SDCCAG8: variants seen among roughly 807,000 people sequenced by gnomAD.
SDCCAG8 encodes the protein serologically defined colon cancer antigen 8.
A neutral mutation model predicts 101.8 loss-of-function variants in SDCCAG8; 74 were observed. That is an observed-to-expected ratio of 0.73 (90% CI 0.60 to 0.88). The LOEUF (loss-of-function observed/expected upper bound fraction) is 0.88. Ranked by LOEUF, SDCCAG8 falls within the 40% of genes least tolerant of loss-of-function variation. The pLI is 0.00. For missense variants in SDCCAG8, 787 were observed against 822.6 expected, an observed-to-expected ratio of 0.96 and a Z score of 0.53; for synonymous variants, 281 against 292.9, an observed-to-expected ratio of 0.96 and a Z score of 0.41.
chr1:243,440,314 TAAAAAA>T (rs369038304), intron 16 of SDCCAG8, among the ~76,000 whole-genome samples: 2 of 151,232 alleles, frequency 1.3e-5, no homozygotes, highest in African/African-American at 4.9e-5. Context: ...ATTATTAAAT[TAAAAAA>T]AAAGGAAAAG....
At chr1:243,466,467 A>G (rs774588389) in intron 16 of SDCCAG8, among the ~76,000 whole-genome samples, 94 of 152,178 alleles carry the variant, frequency 6.2e-4, no homozygotes, top group Middle Eastern at 3.2e-3. Context: ...TCCTGTCTCT[A>G]CTATTTCTGT....
At chr1:243,356,300 T>A (rs1558345792) in intron 12 of SDCCAG8, among the ~76,000 whole-genome samples, 1 of 152,120 alleles carries the variant, frequency 6.6e-6, no homozygotes, top group African/African-American at 2.4e-5. Context: ...AACCTGAAGT[T>A]TGAAGTATCT....
chr1:243,495,904 G>A (rs1558554661), intron 17 of SDCCAG8, among the ~76,000 whole-genome samples: 1 of 152,164 alleles, frequency 6.6e-6, no homozygotes, highest in African/African-American at 2.4e-5. Context: ...CCTCGCATGG[G>A]AGAGTCTGGA....
intron 5 of SDCCAG8, 77 bp from the exon 6 acceptor site, chr1:243,293,014 T>C: frequency 6.6e-7 from 1 of 1,519,622 alleles, no homozygotes. Flanking sequence ...TAGGTAAGAA[T>C]AGGTATTTTA....
At chr1:243,397,823 C>T (rs1351537133) in intron 13 of SDCCAG8, among the ~76,000 whole-genome samples, 9 of 152,222 alleles carry the variant, frequency 5.9e-5, no homozygotes, top group East Asian at 1.9e-4. Context: ...AGGAACAGTA[C>T]GCATACAGTG....
At chr1:243,454,664 G>A (rs1411948851) in intron 16 of SDCCAG8, among the ~76,000 whole-genome samples, 1 of 152,212 alleles carries the variant, frequency 6.6e-6, no homozygotes, top group African/African-American at 2.4e-5. Context: ...CTCCAAAGGA[G>A]CCAAAGGAGA....
At chr1:243,497,393 G>A (rs1668266704) in intron 17 of SDCCAG8, among the ~76,000 whole-genome samples, 1 of 151,608 alleles carries the variant, frequency 6.6e-6, no homozygotes. Context: ...AAGTGGGGAT[G>A]GATATGGGGC....
At chr1:243,314,596 T>C (rs2073068755) in intron 8 of SDCCAG8, among the ~76,000 whole-genome samples, 1 of 152,240 alleles carries the variant, frequency 6.6e-6, no homozygotes, top group African/African-American at 2.4e-5. Flanking sequence ...GACAAGAGGA[T>C]ATTCTGAAAA....
intron 4 of SDCCAG8, among the ~76,000 whole-genome samples, chr1:243,275,574 C>T (rs1260609877): frequency 6.6e-6 from 1 of 152,026 alleles, no homozygotes; most frequent in Non-Finnish European, 1.5e-5. Flanking sequence ...TCCTGGATTA[C>T]CAGTAAAGCT....
intron 12 of SDCCAG8, among the ~76,000 whole-genome samples, chr1:243,364,671 A>T (rs771178366): frequency 2.6e-5 from 4 of 152,236 alleles, no homozygotes; most frequent in Non-Finnish European, 5.9e-5. Flanking sequence ...AAATTAAAAT[A>T]CAGTTTCCTA....
rs552959465 is a variant in SDCCAG8, at chr1:243,492,447, A to G, written c.2112+3307A>G. ...CTCCCAAGTAGCTGGGATTACAGGC[A>G]CCCACCACCACACCTAGCTAATTTT... On this transcript the variant is annotated intron_variant, in intron 17 of 17. Coordinates refer to ENST00000366541, the MANE Select transcript of SDCCAG8 (RefSeq NM_006642.5). 1.6e-3 allele frequency among the ~76,000 whole-genome samples: 243 copies of G among 147,462 alleles called. 1 individual carries two copies. Among genetic ancestry groups the G allele is most frequent in the Non-Finnish European group, 3.0e-3 (197 of 66,692 alleles).
intron 9 of SDCCAG8, among the ~76,000 whole-genome samples, chr1:243,319,818 C>T (rs1050584641): frequency 1.1e-4 from 16 of 152,278 alleles, no homozygotes; most frequent in African/African-American, 3.6e-4. Context: ...CCTACTTCTA[C>T]GCTAACATCC....
At chr1:243,322,557 A>T (rs183872898) in intron 9 of SDCCAG8, among the ~76,000 whole-genome samples, 1 of 152,318 alleles carries the variant, frequency 6.6e-6, no homozygotes, top group Non-Finnish European at 1.5e-5. Context: ...CCTTGGTTAC[A>T]AAATCTCTGG....
intron 6 of SDCCAG8, among the ~76,000 whole-genome samples, chr1:243,301,013 A>G (rs535956976): frequency 1.3e-5 from 2 of 152,326 alleles, no homozygotes; most frequent in African/African-American, 4.8e-5. Flanking sequence ...TATGTAGGTA[A>G]TAGTCTATTT....
intron 13 of SDCCAG8, among the ~76,000 whole-genome samples, chr1:243,401,132 T>C (rs2079370441): frequency 6.6e-6 from 1 of 152,226 alleles, no homozygotes; most frequent in African/African-American, 2.4e-5. Flanking sequence ...TGATAACGAC[T>C]GGAATTGTGA....
intron 11 of SDCCAG8, among the ~76,000 whole-genome samples, chr1:243,341,898 C>T (rs1161928282): frequency 6.6e-6 from 1 of 152,154 alleles, no homozygotes; most frequent in Non-Finnish European, 1.5e-5. Context: ...ACTAAAAACA[C>T]AGATAATTTG....
intron 4 of SDCCAG8, 144 bp from the exon 5 acceptor site, chr1:243,286,128 C>A: frequency 1.1e-6 from 1 of 874,022 alleles, no homozygotes; most frequent in Non-Finnish European, 1.8e-6. Context: ...GTTAGGCTGC[C>A]TTGTTTGTCT....
At chr1:243,391,768 A>G (rs1363078936) in intron 13 of SDCCAG8, among the ~76,000 whole-genome samples, 2 of 152,240 alleles carry the variant, frequency 1.3e-5, no homozygotes, top group Non-Finnish European at 2.9e-5. Context: ...TAACCATTAG[A>G]ACCATATGAA....
intron 16 of SDCCAG8, among the ~76,000 whole-genome samples, chr1:243,459,682 G>A (rs574978817): frequency 2.8e-4 from 43 of 152,214 alleles, no homozygotes; most frequent in African/African-American, 8.7e-4. Flanking sequence ...ATCATAGCTC[G>A]TGGCAGCCTT....
Sources: gnomAD v4.1 joint callset for allele counts (sites outside exome capture counted in the v4.1 genomes callset) on GRCh38, gnomAD v4.1.1 for gene constraint, MANE v1.5 for transcripts, NCBI Gene and HGNC (gene_info 2026-07-23, HGNC 2026-07-21) for gene names.